Variants in LRRC41 observed in about 807,000 individuals in gnomAD.
LRRC41 encodes leucine rich repeat containing 41.
Under a neutral mutation model 72.1 loss-of-function variants are expected in LRRC41, and 17 were observed. The observed-to-expected ratio is 0.24, with a 90% confidence interval of 0.16 to 0.35. LRRC41 has a LOEUF of 0.35. Among genes scored for constraint, LRRC41 ranks in the 10% least tolerant of loss-of-function variants. The pLI is 1.00. For missense variants in LRRC41, 759 were observed against 1,065.0 expected (o/e 0.71, Z 4.00); for synonymous variants, 427 against 431.0 (o/e 0.99, Z 0.11).
At position 46,278,618 on chromosome 1, in the gene LRRC41, C is replaced by T. The variant is rs2148309855; in HGVS notation, c.*247G>A. 1 of 606,774 alleles carries T rather than the reference C, an allele frequency of 1.6e-6. No homozygotes were observed. The highest frequency in any genetic ancestry group is 2.8e-5 in the East Asian group (1 of 36,200). The allele number at this position is 606,774 out of a possible 1,614,324, so 37.6% of individuals were successfully genotyped here. A position where few individuals can be genotyped will look rare whatever the true frequency, so the allele number is the denominator to read the frequency against. On this transcript the variant is annotated 3_prime_UTR_variant, in exon 10 of 10. Coordinates refer to ENST00000617190, the MANE Select transcript of LRRC41 (RefSeq NM_006369.5). ...TCAGCAATTATGATGACCACTGTAACCTCCTGGCCCAGGGTTCCCAGGATA... is the reference window on the plus strand; with the variant it reads ...TCAGCAATTATGATGACCACTGTAATCTCCTGGCCCAGGGTTCCCAGGATA...
intron 3 of LRRC41, among the ~76,000 whole-genome samples, chr1:46,291,552 G>GTTTTTTTTTTTTTTTTTTTT (rs1219656700): frequency 2.4e-5 from 2 of 84,942 alleles, no homozygotes; most frequent in African/African-American, 9.3e-5. Context: ...GCCCCAGCTG[G>GTTTTTTTTTTTTTTTTTTTT]TTTTTTTTTT....
Position 46,281,231 on chromosome 1 carries a change from T to C in LRRC41, c.1650A>G (p.Leu550=), listed in dbSNP as rs1660768398. The C allele has an allele frequency of 3.1e-6, 5 of 1,614,202 alleles. No homozygotes were observed. The highest frequency in any genetic ancestry group is 4.2e-6 in the Non-Finnish European group (5 of 1,180,038). Residue 550 remains leucine (L), a synonymous_variant, in exon 5 of 10, where the codon CTA becomes CTG. Coordinates refer to ENST00000617190, the MANE Select transcript of LRRC41 (RefSeq NM_006369.5). ...GGTCAACACGAATAGAGAGGACCCG[T>C]AGCAGGGGCAGTGCTCGCACGATAG... The part of the protein sequence containing the change: ...TRAIVRALPL[L]RVLSIRVDHP...
intron 1 of LRRC41, 100 bp from the exon 2 acceptor site, chr1:46,298,470 G>A (rs1661167678): frequency 3.0e-6 from 2 of 671,408 alleles, no homozygotes; most frequent in South Asian, 3.8e-5. Context: ...AAATGGAAGG[G>A]TAGACTTCTC....
intron 3 of LRRC41, among the ~76,000 whole-genome samples, chr1:46,293,479 A>G (rs898357745): frequency 1.3e-4 from 20 of 152,082 alleles, no homozygotes; most frequent in Admixed American, 1.2e-3. Flanking sequence ...GGCTCAAGCA[A>G]TCTGACCACC....
Position 46,278,604 on chromosome 1 carries a change from G to T in LRRC41, c.*261C>A, listed in dbSNP as rs1660694766. On this transcript the variant is annotated 3_prime_UTR_variant, in exon 10 of 10. Coordinates refer to ENST00000617190, the MANE Select transcript of LRRC41 (RefSeq NM_006369.5). Reference sequence around the variant, plus strand: ...GGGAGGGGATCTCTTCAGCAATTATGATGACCACTGTAACCTCCTGGCCCA... The same window carrying T: ...GGGAGGGGATCTCTTCAGCAATTATTATGACCACTGTAACCTCCTGGCCCA... 2 of 606,596 alleles carry T rather than the reference G, an allele frequency of 3.3e-6. No homozygotes were observed. The highest frequency in any genetic ancestry group is 5.9e-5 in the Admixed American group (2 of 33,768). 37.6% of individuals were successfully genotyped at this position (606,596 alleles called of 1,614,324 possible).
rs2148310978 is a variant in LRRC41 at position 46,279,432 on chromosome 1, A to C, written c.2143+60T>G. 6.2e-7 allele frequency: 1 copy of C among 1,613,174 alleles called. No individual in the cohort carries two copies. Among genetic ancestry groups the C allele is most frequent in the Non-Finnish European group, 8.5e-7 (1 of 1,179,342 alleles). The stretch of plus-strand genomic sequence containing the variant: ...GAGAGGTCTTTGCCTTTATCCAGTG[A>C]GTTTTTAGGTCAAAGGCCTAGCTCC... On this transcript the variant is annotated intron_variant, in intron 8 of 9. Coordinates refer to ENST00000617190, the MANE Select transcript of LRRC41 (RefSeq NM_006369.5). The surrounding 1 kb of genome is among the most constrained non-coding windows in gnomAD (Gnocchi z 4.5).
rs1248584530 is a variant in LRRC41, at chr1:46,279,928, T to C, written c.2020+264A>G. On this transcript the variant is annotated intron_variant, in intron 7 of 9. Transcript: ENST00000617190. The surrounding 1 kb of genome is among the most constrained non-coding windows in gnomAD (Gnocchi z 4.5). ...TGAGGGGAGCCTGGCACAGTACATT[T>C]ATTTTGCCCCACCACCACCATTTTG... Among the ~76,000 whole-genome samples, 1 of 152,194 alleles carries C rather than the reference T, an allele frequency of 6.6e-6. No homozygotes were observed. The highest frequency in any genetic ancestry group is 2.4e-5 in the African/African-American group (1 of 41,438).
At chr1:46,297,349 C>G in intron 3 of LRRC41, 1 of 465,216 alleles carries the variant, frequency 2.1e-6, no homozygotes, top group Admixed American at 3.7e-5. Flanking sequence ...CACTAACTTT[C>G]CCTGTTTTGT....
intron 1 of LRRC41, chr1:46,300,114 G>A (rs572155230): frequency 3.3e-5 from 5 of 152,226 alleles, no homozygotes; most frequent in South Asian, 2.1e-4. Context: ...CATTGCTTAA[G>A]TCCAGGAGTT....
intron 3 of LRRC41, among the ~76,000 whole-genome samples, chr1:46,295,380 C>G (rs1661101569): frequency 6.6e-6 from 1 of 152,172 alleles, no homozygotes; most frequent in Non-Finnish European, 1.5e-5. Flanking sequence ...TCTTTATATA[C>G]CCCAGTACTA....
chr1:46,287,160 G>A (rs1660901608), intron 3 of LRRC41, among the ~76,000 whole-genome samples: 1 of 151,794 alleles, frequency 6.6e-6, no homozygotes, highest in South Asian at 2.1e-4. Context: ...CCAGGCTGGA[G>A]TCCAGTGGCG....
Position 46,278,385 on chromosome 1 carries a change from T to A in LRRC41, c.*480A>T. 1 of 1,305,868 alleles carries A rather than the reference T, an allele frequency of 7.7e-7. No homozygotes were observed. Among genetic ancestry groups the A allele is most frequent in the East Asian group, 2.5e-5 (1 of 39,696 alleles). The allele number at this position is 1,305,868 out of a possible 1,614,324, so 80.9% of individuals were successfully genotyped here. ...AATTTTGTTCTCTGGGAGAAAATCA[T>A]CAAGAAGGGCTGCATGATGTTTGCC... On this transcript the variant is annotated 3_prime_UTR_variant, in exon 10 of 10. Transcript: ENST00000617190.
At chr1:46,298,646 G>A (rs1661170431) in intron 1 of LRRC41, 2 of 307,520 alleles carry the variant, frequency 6.5e-6, no homozygotes, top group South Asian at 5.9e-5. Flanking sequence ...TTTAGGAGCT[G>A]GTCAGTTCAC....
At position 46,285,652 on chromosome 1, in the gene LRRC41, G is replaced by T; in HGVS notation, c.1205C>A (p.Thr402Asn). ...KRAAGKKGAR[T>N]RQGPGAESED... ...AGACTCTGCACCAGGCCCCTGACGGGTGCGAGCACCCTTCTTCCCTGCAGC... is the reference window on the plus strand; with the variant it reads ...AGACTCTGCACCAGGCCCCTGACGGTTGCGAGCACCCTTCTTCCCTGCAGC... The change falls in exon 4 of 10, where the codon ACC becomes AAC. Residue 402 changes from threonine (T) to asparagine (N), a missense_variant. Around this residue, in one of 4 missense-constraint regions of LRRC41, gnomAD observed 427 missense variants for 520.9 expected, o/e 0.82. Coordinates refer to ENST00000617190, the MANE Select transcript of LRRC41 (RefSeq NM_006369.5). This position sits in a 1 kb window ranked among gnomAD's most constrained non-coding sequence, Gnocchi z 5.3. 2 of 1,614,160 alleles carry T rather than the reference G, an allele frequency of 1.2e-6. No individual in the cohort carries two copies. The highest frequency in any genetic ancestry group is 2.2e-5 in the South Asian group (2 of 91,062).
At position 46,285,751 on chromosome 1, in the gene LRRC41, G is replaced by A. The variant is rs368888673; in HGVS notation, c.1106C>T (p.Ser369Phe). Residue 369 changes from serine (S) to phenylalanine (F), a missense_variant, in exon 4 of 10, where the codon TCT becomes TTT. Around this residue, in one of 4 missense-constraint regions of LRRC41, gnomAD observed 427 missense variants for 520.9 expected, o/e 0.82. Transcript: ENST00000617190. This position sits in a 1 kb window ranked among gnomAD's most constrained non-coding sequence, Gnocchi z 5.3. ...SAPAATSSAS[S>F]STSSYKRAPA... ...TGCCCGTTTGTATGAGGATGTAGAA[G>A]AAGAGGCAGAGGAGGTGGCTGCTGG... The A allele has an allele frequency of 1.9e-6, 3 of 1,602,668 alleles. No individual in the cohort carries two copies. Among genetic ancestry groups the A allele is most frequent in the Non-Finnish European group, 2.6e-6 (3 of 1,174,306 alleles).
At chr1:46,287,913 A>G (rs1352976296) in intron 3 of LRRC41, among the ~76,000 whole-genome samples, 1 of 152,180 alleles carries the variant, frequency 6.6e-6, no homozygotes, top group African/African-American at 2.4e-5. Flanking sequence ...ATTTATTTTG[A>G]CGGATAGGAA....
intron 2 of LRRC41, 47 bp from the exon 3 acceptor site, chr1:46,297,680 T>TAA (rs1661151954): frequency 1.5e-6 from 2 of 1,346,456 alleles, no homozygotes; most frequent in Non-Finnish European, 1.1e-6. Flanking sequence ...CCACCATGAG[T>TAA]AAAGTACATC....
At chr1:46,283,831 A>T (rs1253630349) in intron 4 of LRRC41, among the ~76,000 whole-genome samples, 1 of 151,770 alleles carries the variant, frequency 6.6e-6, no homozygotes, top group Non-Finnish European at 1.5e-5. Flanking sequence ...ACGCCTGGCT[A>T]ATTTTTGTAT....
intron 4 of LRRC41, among the ~76,000 whole-genome samples, chr1:46,281,696 G>T (rs17102110): frequency 0.02 from 2,977 of 152,330 alleles, 97 homozygotes; most frequent in African/African-American, 0.066. Flanking sequence ...GACAGTAGCA[G>T]TTCTCTGGAT....
Sources: gnomAD v4.1 joint callset for allele counts (sites outside exome capture counted in the v4.1 genomes callset) on GRCh38, gnomAD v4.1.1 for gene constraint, gnomAD v4.1.1 regional missense constraint, Gnocchi (gnomAD v3.1) non-coding constraint, MANE v1.5 for transcripts, NCBI Gene and HGNC (gene_info 2026-07-23, HGNC 2026-07-21) for gene names.